The following DSCAML1 variants were observed in gnomAD, a reference collection of about 807,000 sequenced individuals.
DSCAML1 encodes DS cell adhesion molecule like 1, also known as cell adhesion molecule DSCAML1.
In DSCAML1, 38 loss-of-function variants were observed where a neutral mutation model predicts 200.5. The ratio of observed to expected loss-of-function variants is 0.19; its 90% CI spans 0.15 to 0.25. The LOEUF is 0.25. DSCAML1 is among the 10% of genes least tolerant of loss of function. The pLI is 1.00. For missense variants in DSCAML1, 2,223 were observed against 2,858.8 expected (o/e 0.78, Z 5.07); for synonymous variants, 1,215 against 1,165.0 (o/e 1.04, Z -0.87).
At chr11:117,499,550 G>A (rs1042757506) in intron 11 of DSCAML1, among the ~76,000 whole-genome samples, 1 of 152,234 alleles carries the variant, frequency 6.6e-6, no homozygotes, top group African/African-American at 2.4e-5. Flanking sequence ...CGTAGAAGCA[G>A]GTTCTGGCCT....
chr11:117,683,462 G>C (rs142678789), intron 3 of DSCAML1, among the ~76,000 whole-genome samples: 1 of 152,140 alleles, frequency 6.6e-6, no homozygotes, highest in South Asian at 2.1e-4. Flanking sequence ...CGAGTTTCTC[G>C]ACATCACTTC....
chr11:117,749,298 A>C (rs962698181), intron 3 of DSCAML1, among the ~76,000 whole-genome samples: 2 of 152,212 alleles, frequency 1.3e-5, no homozygotes, highest in East Asian at 3.9e-4. Flanking sequence ...ATACACAAAC[A>C]ATCTGCTGCC....
At position 117,428,512 on chromosome 11, in the gene DSCAML1, G is replaced by A. The variant is rs1565666455; in HGVS notation, c.5978C>T (p.Ala1993Val). 3 of 1,496,670 alleles carry A rather than the reference G, an allele frequency of 2.0e-6. No individual in the cohort carries two copies. The South Asian group carries it at 3.9e-5, about 19-fold the overall frequency. 92.7% of individuals were successfully genotyped at this position (1,496,670 alleles called of 1,614,324 possible). ...AGCGCTGGGGGCGGTGGGTGGCTCA[G>A]CAGGGGTGGGGCCGGGGGCTGGGGG... ...TAPPAPGPTP[A>V]EPPTAPSAAP... Residue 1993 changes from alanine to valine, a missense_variant, in exon 33 of 33, where the codon GCT (alanine) becomes GTT (valine). Coordinates refer to ENST00000651296, the MANE Select transcript of DSCAML1 (RefSeq NM_020693.4).
intron 3 of DSCAML1, among the ~76,000 whole-genome samples, chr11:117,534,326 C>T (rs779514809): frequency 2.8e-4 from 42 of 152,356 alleles, no homozygotes; most frequent in Non-Finnish European, 5.0e-4. Context: ...GCTGAGTGCA[C>T]GACGATATCT....
intron 3 of DSCAML1, among the ~76,000 whole-genome samples, chr11:117,689,095 C>T (rs981561718): frequency 2.0e-5 from 3 of 152,130 alleles, no homozygotes; most frequent in Admixed American, 2.0e-4. Flanking sequence ...CAGGTAACCT[C>T]ACAACAGCTG....
chr11:117,439,130 G>A, intron 23 of DSCAML1, 136 bp downstream of exon 23: 3 of 1,366,378 alleles, frequency 2.2e-6, no homozygotes, highest in Non-Finnish European at 3.0e-6. Flanking sequence ...CCTTCCATGT[G>A]CACCTCTGTT....
At chr11:117,766,707 T>C (rs1460727426) in intron 3 of DSCAML1, among the ~76,000 whole-genome samples, 1 of 152,216 alleles carries the variant, frequency 6.6e-6, no homozygotes, top group African/African-American at 2.4e-5. Context: ...CAGGGGGTGC[T>C]CTGGAAATGC....
intron 20 of DSCAML1, among the ~76,000 whole-genome samples, chr11:117,449,950 C>T (rs1278286835): frequency 6.6e-6 from 1 of 152,202 alleles, no homozygotes; most frequent in South Asian, 2.1e-4. Flanking sequence ...GGGCGGCTAG[C>T]CCCTTGCCCT....
chr11:117,455,833 T>C (rs1379685577), intron 19 of DSCAML1, among the ~76,000 whole-genome samples: 4 of 102,748 alleles, frequency 3.9e-5, no homozygotes, highest in Non-Finnish European at 8.7e-5. Context: ...GAGAGCCTGG[T>C]GGAGCTGGGG....
chr11:117,586,686 C>T (rs1177774160), intron 3 of DSCAML1, among the ~76,000 whole-genome samples: 3 of 152,178 alleles, frequency 2.0e-5, no homozygotes, highest in African/African-American at 7.2e-5. Context: ...GAATTCATGC[C>T]TGCTTCCATG....
At chr11:117,726,424 C>T (rs2054132829) in intron 3 of DSCAML1, among the ~76,000 whole-genome samples, 2 of 152,016 alleles carry the variant, frequency 1.3e-5, no homozygotes, top group South Asian at 2.1e-4. Flanking sequence ...CCTTAGGTAA[C>T]ATTTATATTT....
At chr11:117,551,971 C>A (rs1444532486) in intron 3 of DSCAML1, among the ~76,000 whole-genome samples, 4 of 143,368 alleles carry the variant, frequency 2.8e-5, no homozygotes, top group Non-Finnish European at 5.9e-5. Context: ...GTTAAGGAGA[C>A]AATGTCTTAT....
At position 117,780,636 on chromosome 11, in the gene DSCAML1, C is replaced by A; in HGVS notation, c.221G>T (p.Arg74Leu). 6.3e-7 allele frequency: 1 copy of A among 1,587,806 alleles called. No homozygotes were observed. Residue 74 changes from arginine to leucine, a missense_variant, in exon 2 of 33, where the codon CGG becomes CTG. Physicochemically the swap from Arg to Leu is moderately radical, Grantham distance 102 (BLOSUM62 -2). Transcript: ENST00000651296. The surrounding 1 kb of genome is among the most constrained non-coding windows in gnomAD (Gnocchi z 4.8). ...CAGCGTCCCGTTGGCGTGGACGTGC[C>A]GGATGTGCGGCACGTCGTAGATGTC... is the stretch of plus-strand genomic sequence containing the variant. ...GDDIYDVPHI[R>L]HVHANGTLQL...
chr11:117,796,085 C>T (rs1458890464), intron 1 of DSCAML1, among the ~76,000 whole-genome samples: 1 of 152,236 alleles, frequency 6.6e-6, no homozygotes, highest in Non-Finnish European at 1.5e-5. Flanking sequence ...ACCCAGACTA[C>T]CTGCGCCTGC....
Position 117,480,005 on chromosome 11 carries a change from A to T in DSCAML1, c.2785+438T>A, listed in dbSNP as rs968302715. ...GCTTTTCCAGGGCCTCCTATCCCCC[A>T]CTCATGGGGACCATTCTTAGGACCA... On this transcript the variant is annotated intron_variant, in intron 14 of 32. Coordinates refer to ENST00000651296, the MANE Select transcript of DSCAML1 (RefSeq NM_020693.4). This position sits in a 1 kb window ranked among gnomAD's most constrained non-coding sequence, Gnocchi z 4.1. Among the ~76,000 whole-genome samples, 1 of 152,006 alleles carries T rather than the reference A, an allele frequency of 6.6e-6. No homozygotes were observed. Among genetic ancestry groups the T allele is most frequent in the African/African-American group, 2.4e-5 (1 of 41,370 alleles).
intron 3 of DSCAML1, among the ~76,000 whole-genome samples, chr11:117,762,868 G>GTAA (rs58166401): frequency 0.03 from 4,432 of 146,622 alleles, 119 homozygotes; most frequent in African/African-American, 0.051. Context: ...GTCTCAAATA[G>GTAA]TAATAATAAT....
At chr11:117,456,086 G>T (rs1168135755) in intron 19 of DSCAML1, among the ~76,000 whole-genome samples, 1 of 152,222 alleles carries the variant, frequency 6.6e-6, no homozygotes, top group Non-Finnish European at 1.5e-5. Context: ...TGGGAAATGA[G>T]GATAAGTCTG....
At chr11:117,458,426 AG>A (rs1434627622) in intron 19 of DSCAML1, among the ~76,000 whole-genome samples, 2 of 152,190 alleles carry the variant, frequency 1.3e-5, no homozygotes, top group African/African-American at 4.8e-5. Flanking sequence ...AGAGGAAAGC[AG>A]GCTGAATCTT....
chr11:117,750,963 A>G (rs1235762358), intron 3 of DSCAML1, among the ~76,000 whole-genome samples: 2 of 152,056 alleles, frequency 1.3e-5, no homozygotes, highest in Admixed American at 6.6e-5. Flanking sequence ...AGCTGTCTCC[A>G]TCTTGCCCCC....
Sources: gnomAD v4.1 joint callset for allele counts (sites outside exome capture counted in the v4.1 genomes callset) on GRCh38, gnomAD v4.1.1 for gene constraint, Gnocchi (gnomAD v3.1) non-coding constraint, MANE v1.5 for transcripts, NCBI Gene and HGNC (gene_info 2026-07-23, HGNC 2026-07-21) for gene names.